PID1: variants seen among roughly 807,000 people sequenced by gnomAD.
PID1 encodes the protein PTB-containing, cubilin and LRP1-interacting protein.
A neutral mutation model predicts 19.1 loss-of-function variants in PID1; 10 were observed. The ratio of observed to expected loss-of-function variants is 0.52; its 90% confidence interval spans 0.32 to 0.89. The LOEUF (loss-of-function observed/expected upper bound fraction) is 0.89, where lower values mean the gene tolerates loss of function less well. Among genes scored for constraint, PID1 ranks in the 40% least tolerant of loss-of-function variants. The pLI, the probability that PID1 is intolerant of heterozygous loss-of-function variation, is 0.03. For synonymous variants in PID1, 130 were observed against 116.0 expected, an observed-to-expected ratio of 1.12 and a Z score of -0.78; for missense variants, 248 against 285.3, an observed-to-expected ratio of 0.87 and a Z score of 0.94.
At chr2:229,187,800 T>C (rs567646704) in intron 1 of PID1, among the ~76,000 whole-genome samples, 3 of 152,296 alleles carry the variant, frequency 2.0e-5, no homozygotes, top group Admixed American at 6.5e-5. Context: ...ACCACAGCTA[T>C]TTTCCCATTT....
intron 1 of PID1, among the ~76,000 whole-genome samples, chr2:229,242,281 C>T (rs144436725): frequency 8.9e-4 from 135 of 152,248 alleles, no homozygotes; most frequent in African/African-American, 3.2e-3. Flanking sequence ...TAATTAGAGG[C>T]CAGCTAAAAT....
intron 1 of PID1, among the ~76,000 whole-genome samples, chr2:229,213,020 T>C (rs1691771997): frequency 6.6e-6 from 1 of 152,006 alleles, no homozygotes; most frequent in African/African-American, 2.4e-5. Flanking sequence ...GGTTAAAAAA[T>C]ATACTCTGTG....
intron 2 of PID1, among the ~76,000 whole-genome samples, chr2:229,058,634 T>C (rs1405028735): frequency 6.6e-6 from 1 of 151,958 alleles, no homozygotes; most frequent in Non-Finnish European, 1.5e-5. Context: ...CTCAGCGTCA[T>C]TGCACTTTCA....
chr2:229,197,161 T>C (rs868091477), intron 1 of PID1, among the ~76,000 whole-genome samples: 18 of 152,016 alleles, frequency 1.2e-4, no homozygotes, highest in Admixed American at 3.9e-4. Flanking sequence ...TACTATGAGA[T>C]ACTAACAAGC....
chr2:229,244,794 T>C (rs1689959084), intron 1 of PID1: 1 of 152,132 alleles, frequency 6.6e-6, no homozygotes, highest in South Asian at 2.1e-4. Context: ...GAGAGCTTCA[T>C]GTCCCAGGCT....
At chr2:229,242,444 GA>G (rs150821890) in intron 1 of PID1, among the ~76,000 whole-genome samples, 7,104 of 151,992 alleles carry the variant, frequency 0.047, 324 homozygotes, top group East Asian at 0.2. Flanking sequence ...ATGCTGCTTC[GA>G]CTGGTAAAAC....
At chr2:229,064,102 T>C (rs1470009385) in intron 2 of PID1, among the ~76,000 whole-genome samples, 2 of 152,150 alleles carry the variant, frequency 1.3e-5, no homozygotes, top group Admixed American at 1.3e-4. Context: ...TGTTCAGCCA[T>C]TCAAGTGTTT....
At chr2:229,169,161 T>G (rs1030117786) in intron 1 of PID1, among the ~76,000 whole-genome samples, 2 of 152,164 alleles carry the variant, frequency 1.3e-5, no homozygotes, top group Non-Finnish European at 2.9e-5. Context: ...AGCCCACAAT[T>G]GACTTTTAAA....
chr2:229,104,349 T>C (rs1182140163), intron 2 of PID1, among the ~76,000 whole-genome samples: 2 of 152,218 alleles, frequency 1.3e-5, no homozygotes, highest in Non-Finnish European at 2.9e-5. Flanking sequence ...AACAGCATAT[T>C]GAACAATGCA....
At chr2:229,180,562 C>A (rs1376401105) in intron 1 of PID1, among the ~76,000 whole-genome samples, 1 of 152,208 alleles carries the variant, frequency 6.6e-6, no homozygotes, top group African/African-American at 2.4e-5. Flanking sequence ...TGATCCACCA[C>A]AGACCTGCTG....
At chr2:229,170,131 G>A (rs1446727886) in intron 1 of PID1, among the ~76,000 whole-genome samples, 2 of 152,154 alleles carry the variant, frequency 1.3e-5, no homozygotes, top group African/African-American at 2.4e-5. Context: ...TGGCCAAGTC[G>A]CATGTACTTC....
intron 2 of PID1, among the ~76,000 whole-genome samples, chr2:229,146,930 G>A (rs915629232): frequency 1.1e-4 from 16 of 152,168 alleles, no homozygotes; most frequent in South Asian, 2.1e-4. Context: ...AGAGCCTCCG[G>A]GAGCATGACC....
intron 1 of PID1, among the ~76,000 whole-genome samples, chr2:229,243,005 T>C (rs1689913615): frequency 6.6e-6 from 1 of 152,114 alleles, no homozygotes; most frequent in South Asian, 2.1e-4. Flanking sequence ...TATTAGTCCA[T>C]TCTCACGTTG....
At chr2:229,205,234 TACATACTACATACACAC>T (rs761494901) in intron 1 of PID1, among the ~76,000 whole-genome samples, 2 of 147,938 alleles carry the variant, frequency 1.4e-5, no homozygotes, top group African/African-American at 2.5e-5. Context: ...CAATCACACA[TACATACTACATACACAC>T]ACATACTACA....
intron 1 of PID1, among the ~76,000 whole-genome samples, chr2:229,196,266 A>T (rs1691376452): frequency 6.6e-6 from 1 of 152,174 alleles, no homozygotes; most frequent in African/African-American, 2.4e-5. Flanking sequence ...AAAAACATAC[A>T]GTTTCATTGT....
chr2:229,026,088 G>C lies in PID1; in HGVS notation c.198C>G (p.Val66=), dbSNP rs1415505969. The part of the protein sequence containing the change: ...SGCKVTYLGK[V]STTGMQFLSG... ...ACAAAAACTGCATGCCAGTGGTGGA[G>C]ACTTTGCCCAGGTAGGTAACCTGCA... The change falls in exon 3 of 3, where the codon GTC becomes GTG. Residue 66 remains valine (V), a synonymous_variant. Transcript: ENST00000392055. The C allele has an allele frequency of 7.4e-6, 12 of 1,613,738 alleles. No homozygotes were observed. Among genetic ancestry groups the C allele is most frequent in the Non-Finnish European group, 1.0e-5 (12 of 1,179,674 alleles).
chr2:229,070,254 C>T (rs1197769158), intron 2 of PID1, among the ~76,000 whole-genome samples: 3 of 152,150 alleles, frequency 2.0e-5, no homozygotes, highest in Non-Finnish European at 4.4e-5. Context: ...GCATTGAAGC[C>T]ATGCTGCCTG....
chr2:229,219,276 C>A (rs1374866560), intron 1 of PID1, among the ~76,000 whole-genome samples: 2 of 152,084 alleles, frequency 1.3e-5, no homozygotes, highest in Non-Finnish European at 2.9e-5. Context: ...ACTCACAGTT[C>A]CACAGGGCTG....
intron 1 of PID1, among the ~76,000 whole-genome samples, chr2:229,245,254 T>C (rs1689970845): frequency 6.6e-6 from 1 of 152,098 alleles, no homozygotes; most frequent in Non-Finnish European, 1.5e-5. Flanking sequence ...CTCTTGGCCA[T>C]GTGCCTCCCT....
Sources: gnomAD v4.1 joint callset for allele counts (sites outside exome capture counted in the v4.1 genomes callset) on GRCh38, gnomAD v4.1.1 for gene constraint, MANE v1.5 for transcripts, NCBI Gene and HGNC (gene_info 2026-07-23, HGNC 2026-07-21) for gene names.